The following FLT4 variants were observed in gnomAD, a reference collection of about 807,000 sequenced individuals.
FLT4 encodes vascular endothelial growth factor receptor 3.
Under a neutral mutation model 163.2 loss-of-function variants are expected in FLT4, and 30 were observed. The ratio of observed to expected loss-of-function variants is 0.18; its 90% CI spans 0.14 to 0.25. The LOEUF is 0.25. FLT4 is among the 10% of genes least tolerant of loss of function. FLT4 has a pLI of 1.00. For missense variants in FLT4, 1,510 were observed against 1,863.8 expected, an observed-to-expected ratio of 0.81 and a Z score of 3.50; for synonymous variants, 884 against 789.5, an observed-to-expected ratio of 1.12 and a Z score of -2.01.
intron 29 of FLT4, among the ~76,000 whole-genome samples, chr5:180,607,461 C>T (rs988915925): frequency 6.6e-6 from 1 of 151,872 alleles, no homozygotes; most frequent in Non-Finnish European, 1.5e-5. Context: ...CATGGCGAAA[C>T]CCGGTCTCTA....
At chr5:180,629,891 C>T in intron 5 of FLT4, 52 bp downstream of exon 5, 2 of 1,612,624 alleles carry the variant, frequency 1.2e-6, no homozygotes, top group Admixed American at 3.3e-5. Flanking sequence ...CCCACTGAGG[C>T]CAGTGAGGCA....
chr5:180,649,795 G>A (rs1303281327), upstream of FLT4, among the ~76,000 whole-genome samples: 2 of 151,992 alleles, frequency 1.3e-5, no homozygotes, highest in East Asian at 3.9e-4. Context: ...TCCGGGCGCG[G>A]GGACGCGGGT....
intron 2 of FLT4, among the ~76,000 whole-genome samples, chr5:180,631,474 GA>G (rs1243281469): frequency 4.1e-4 from 60 of 147,332 alleles, no homozygotes; most frequent in South Asian, 1.7e-3. Context: ...CTCCATCTCA[GA>G]AAAAAAAAAA....
At chr5:180,633,528 T>C (rs1399612553) in intron 1 of FLT4, among the ~76,000 whole-genome samples, 2 of 152,144 alleles carry the variant, frequency 1.3e-5, no homozygotes, top group African/African-American at 4.8e-5. Flanking sequence ...TGGCAGCCCG[T>C]AGCTTGCACC....
rs1343320526 is a variant in FLT4 at position 180,620,776 on chromosome 5, G to T, written c.2300-61C>A. 5 of 1,596,162 alleles carry T rather than the reference G, an allele frequency of 3.1e-6. No homozygotes were observed. The highest frequency in any genetic ancestry group is 4.3e-6 in the Non-Finnish European group (5 of 1,166,270). ...TGTGTGTAAGAGCGTGCACCTGCAG[G>T]CAGCACCCCTTCTGGTGGCCACGAC... On this transcript the variant is annotated intron_variant, in intron 15 of 29. Transcript: ENST00000261937. The surrounding 1 kb of genome is among the most constrained non-coding windows in gnomAD (Gnocchi z 4.4).
intron 7 of FLT4, 115 bp from the exon 8 acceptor site, chr5:180,629,114 G>A (rs927058617): frequency 2.8e-6 from 4 of 1,428,048 alleles, no homozygotes; most frequent in African/African-American, 1.4e-5. Context: ...ACTGGGGCTG[G>A]CCATGCCGCC....
rs768227334 is a variant in FLT4 at position 180,616,347 on chromosome 5, C to T, written c.3219+20G>A. 6.2e-7 allele frequency: 1 copy of T among 1,613,860 alleles called. No individual in the cohort carries two copies. The highest frequency in any genetic ancestry group is 8.5e-7 in the Non-Finnish European group (1 of 1,179,954). On this transcript the variant is annotated intron_variant, in intron 23 of 29. Coordinates refer to ENST00000261937, the MANE Select transcript of FLT4 (RefSeq NM_182925.5). ...ACCTGTTCCGCCCCACGTTCCCTCT[C>T]CTCAATGGCCTGCACTCACACTGCC...
chr5:180,609,131 T>C, intron 28 of FLT4, 78 bp from the exon 29 acceptor site: 2 of 1,228,552 alleles, frequency 1.6e-6, no homozygotes, highest in South Asian at 1.2e-5. Flanking sequence ...GCCAGGAAAG[T>C]GCGGCATGGT....
At position 180,631,672 on chromosome 5, in the gene FLT4, G is replaced by C; in HGVS notation, c.155+10C>G. 1 of 1,600,756 alleles carries C rather than the reference G, an allele frequency of 6.2e-7. No individual in the cohort carries two copies. The highest frequency in any genetic ancestry group is 8.5e-7 in the Non-Finnish European group (1 of 1,172,612). ...CTCTCTGGCCTGCCAGTGGGAGAGG[G>C]ACCCAGTACCTGCAGGAGATGGACA... On this transcript the variant is annotated intron_variant, in intron 2 of 29. Coordinates refer to ENST00000261937, the MANE Select transcript of FLT4 (RefSeq NM_182925.5).
At chr5:180,619,144 A>G in intron 19 of FLT4, 35 bp from the exon 20 acceptor site, 1 of 1,426,588 alleles carries the variant, frequency 7.0e-7, no homozygotes, top group Non-Finnish European at 9.2e-7. Flanking sequence ...GTGCGTTCGG[A>G]ACCCGGGGCG....
chr5:180,641,115 T>A (rs1765065596), intron 1 of FLT4, among the ~76,000 whole-genome samples: 1 of 152,136 alleles, frequency 6.6e-6, no homozygotes, highest in Non-Finnish European at 1.5e-5. Flanking sequence ...TCCAGCAGGC[T>A]CCTCCCTGCC....
At chr5:180,608,390 A>T (rs1301038309) in intron 29 of FLT4, 2 of 696,774 alleles carry the variant, frequency 2.9e-6, no homozygotes, top group Non-Finnish European at 5.2e-6. Context: ...GCATGCAATA[A>T]ATATCAGCGT....
In FLT4 at chr5:180,622,934, C is replaced by T. The variant is rs992636468; in HGVS notation, c.1549-95G>A. ...AAGGAGGTCGCTGTGCACCACCCCC[C>T]CCAATCATGGGGGAAACTGAGGCTT... On this transcript the variant is annotated intron_variant, in intron 11 of 29. Transcript: ENST00000261937. The T allele has an allele frequency of 5.1e-6, 4 of 789,112 alleles. No individual in the cohort carries two copies. In the African/African-American group the frequency reaches 5.2e-5, roughly 10 times the overall value. 48.9% of individuals were successfully genotyped at this position (789,112 alleles called of 1,614,324 possible). A position where few individuals can be genotyped will look rare whatever the true frequency, so the allele number is the denominator to read the frequency against.
chr5:180,629,062 C>A (rs1172473178), intron 7 of FLT4, 63 bp from the exon 8 acceptor site: 1 of 1,472,800 alleles, frequency 6.8e-7, no homozygotes, highest in Non-Finnish European at 9.5e-7. Flanking sequence ...ACCAGGGACT[C>A]CCCCCACGGC....
intron 1 of FLT4, 142 bp from the exon 2 acceptor site, chr5:180,631,920 CTGGCCT>C: frequency 8.1e-6 from 1 of 123,648 alleles, no homozygotes; most frequent in Non-Finnish European, 1.7e-5. Flanking sequence ...ACCGCGTGGC[CTGGCCT>C]CACCATGTGC....
intron 29 of FLT4, among the ~76,000 whole-genome samples, chr5:180,607,412 C>T (rs1421771179): frequency 2.0e-5 from 3 of 151,846 alleles, no homozygotes; most frequent in African/African-American, 7.3e-5. Context: ...CGAGGGCGGG[C>T]GGATCACGAG....
At chr5:180,638,288 G>A (rs886783543) in intron 1 of FLT4, among the ~76,000 whole-genome samples, 5 of 152,104 alleles carry the variant, frequency 3.3e-5, no homozygotes, top group East Asian at 1.9e-4. Flanking sequence ...AACTGCAGAC[G>A]TGCACCCCCT....
chr5:180,602,756 G>T lies in FLT4; in HGVS notation c.*436C>A. On this transcript the variant is annotated 3_prime_UTR_variant, in exon 30 of 30. Transcript: ENST00000261937. The stretch of plus-strand genomic sequence containing the variant: ...AGTAGCTGTGTGCCTGAGGAGGAAA[G>T]GGCGTTTGGGAGACCTCTGCTCTCG... 1 of 466,250 alleles carries T rather than the reference G, an allele frequency of 2.1e-6. No individual in the cohort carries two copies. The allele number at this position is 466,250 out of a possible 1,614,324, so 28.9% of individuals were successfully genotyped here.
chr5:180,622,229 G>A (rs987702364), intron 12 of FLT4, among the ~76,000 whole-genome samples: 1 of 152,000 alleles, frequency 6.6e-6, no homozygotes, highest in African/African-American at 2.4e-5. Context: ...GGCTCCTGTG[G>A]CCCCCCAGCC....
Sources: allele counts gnomAD v4.1 joint callset (sites outside exome capture counted in the v4.1 genomes callset), GRCh38; gene constraint gnomAD v4.1.1; non-coding constraint Gnocchi (gnomAD v3.1); transcripts MANE v1.5; gene names NCBI Gene and HGNC (gene_info 2026-07-23, HGNC 2026-07-21).